STAU2: variants seen among roughly 807,000 people sequenced by gnomAD.
STAU2 encodes the protein double-stranded RNA-binding protein Staufen homolog 2.
STAU2 carries 20 observed loss-of-function variants against 65.9 expected under a neutral mutation model. The observed-to-expected ratio is 0.30, with a 90% CI of 0.21 to 0.44. The LOEUF (loss-of-function observed/expected upper bound fraction) is 0.44, where lower values mean the gene tolerates loss of function less well. STAU2 is among the 20% of genes least tolerant of loss of function. STAU2 has a pLI of 1.00. For synonymous variants in STAU2, 232 were observed against 233.9 expected (o/e 0.99, Z 0.07); for missense variants, 558 against 683.9 (o/e 0.82, Z 2.05).
intron 3 of STAU2, among the ~76,000 whole-genome samples, chr8:73,724,693 T>TATA (rs1563531177): frequency 8.9e-6 from 1 of 112,084 alleles, no homozygotes; most frequent in Admixed American, 9.0e-5. Flanking sequence ...ATATATATAT[T>TATA]TTTTTTTTTT....
At chr8:73,673,975 G>A (rs1157783789) in intron 5 of STAU2, among the ~76,000 whole-genome samples, 1 of 151,748 alleles carries the variant, frequency 6.6e-6, no homozygotes, top group Non-Finnish European at 1.5e-5. Context: ...TACCTCGGAG[G>A]TTATACCTTA....
chr8:73,496,563 TG>T (rs756092079), intron 13 of STAU2, among the ~76,000 whole-genome samples: 17 of 151,746 alleles, frequency 1.1e-4, no homozygotes, highest in Non-Finnish European at 2.4e-4. Flanking sequence ...GACATAAAAG[TG>T]TTGATCTAGA....
rs935603716 is a variant in STAU2 at position 73,743,925 on chromosome 8, C to G, written c.-197+2858G>C. Among the ~76,000 whole-genome samples, 10 of 151,274 alleles carry G rather than the reference C, an allele frequency of 6.6e-5. No individual in the cohort carries two copies. In the East Asian group the frequency reaches 2.0e-3, roughly 30 times the overall value. The stretch of plus-strand genomic sequence containing the variant: ...TAGCTGGGATTACAGGCGCGCACCA[C>G]CACACCCAGCTAATTTTTGTATTTT... On this transcript the variant is annotated intron_variant, in intron 1 of 14. Coordinates refer to ENST00000524300, the MANE Select transcript of STAU2 (RefSeq NM_001164380.2).
Position 73,608,621 on chromosome 8 carries a change from AAAAAG to A in STAU2, c.892-4763_892-4759del, listed in dbSNP as rs1401046577. Among the ~76,000 whole-genome samples the A allele has an allele frequency of 5.3e-5, 8 of 150,386 alleles. 1 individual carries two copies. The East Asian group carries it at 1.6e-3, about 29-fold the overall frequency. On this transcript the variant is annotated intron_variant, in intron 9 of 14. Coordinates refer to ENST00000524300, the MANE Select transcript of STAU2 (RefSeq NM_001164380.2). ...GCAAGACTCCGTCCCATAAAAAAAA[AAAAAG>A]AAAAAGAAAAAAAAGAAATATTAGC...
intron 6 of STAU2, among the ~76,000 whole-genome samples, chr8:73,639,536 C>T (rs1450061620): frequency 6.6e-6 from 1 of 152,064 alleles, no homozygotes; most frequent in Non-Finnish European, 1.5e-5. Flanking sequence ...GCTAATGAGC[C>T]GTACTTGGTA....
intron 13 of STAU2, among the ~76,000 whole-genome samples, chr8:73,537,763 AAG>A (rs1259594564): frequency 1.3e-5 from 2 of 152,234 alleles, no homozygotes; most frequent in African/African-American, 2.4e-5. Context: ...AAACATGAAA[AAG>A]AGTATGAATA....
chr8:73,587,281 C>CA lies in STAU2; in HGVS notation c.1162-4452dup, dbSNP rs1489824762. The stretch of plus-strand genomic sequence containing the variant: ...AAAAAAATTTCAGACCACAAGATCT[C>CA]AAAAAAAAAGTTTACTTCCCATGTA... On this transcript the variant is annotated intron_variant, in intron 11 of 14. Transcript: ENST00000524300. Among the ~76,000 whole-genome samples, 9 of 151,162 alleles carry CA rather than the reference C, an allele frequency of 6.0e-5. No homozygotes were observed. In the East Asian group the frequency reaches 1.2e-3, roughly 20 times the overall value.
At chr8:73,682,734 A>G (rs559451862) in intron 5 of STAU2, among the ~76,000 whole-genome samples, 6 of 152,286 alleles carry the variant, frequency 3.9e-5, no homozygotes, top group African/African-American at 1.2e-4. Context: ...TTAACCAAAA[A>G]AAGAAGACAG....
chr8:73,706,135 G>T (rs1820484899), intron 4 of STAU2, among the ~76,000 whole-genome samples: 1 of 150,664 alleles, frequency 6.6e-6, no homozygotes, highest in East Asian at 1.9e-4. Flanking sequence ...TTTTTTTTTT[G>T]AGACCGAGTC....
At chr8:73,624,494 C>T (rs939646416) in intron 6 of STAU2, among the ~76,000 whole-genome samples, 1 of 152,210 alleles carries the variant, frequency 6.6e-6, no homozygotes, top group Non-Finnish European at 1.5e-5. Flanking sequence ...AAAGCACTTA[C>T]TATGTGCCAG....
chr8:73,627,231 GCAGGAGGGC>G (rs1563467192), intron 6 of STAU2, among the ~76,000 whole-genome samples: 1 of 27,234 alleles, frequency 3.7e-5, no homozygotes, highest in Non-Finnish European at 9.2e-5. Flanking sequence ...GGAGGGGGGG[GCAGGAGGGC>G]GGGTTCCCTG....
chr8:73,626,368 G>A (rs945352219), intron 6 of STAU2, among the ~76,000 whole-genome samples: 13 of 152,200 alleles, frequency 8.5e-5, no homozygotes, highest in Non-Finnish European at 1.9e-4. Context: ...CCTGAGTCAA[G>A]GAATGATTAG....
chr8:73,531,118 A>G (rs148013516), intron 13 of STAU2, among the ~76,000 whole-genome samples: 470 of 152,168 alleles, frequency 3.1e-3, no homozygotes, highest in Non-Finnish European at 5.1e-3. Context: ...TTAAGCTCTG[A>G]CCCCACCAAT....
intron 6 of STAU2, among the ~76,000 whole-genome samples, chr8:73,649,869 T>TTATTTATATATATATATATATATA (rs71269927): frequency 1.4e-5 from 1 of 71,654 alleles, no homozygotes; most frequent in Non-Finnish European, 2.6e-5. Context: ...CTATATAATT[T>TTATTTATATATATATATATATATA]TATATATATA....
chr8:73,476,802 C>T (rs937217205), intron 13 of STAU2, among the ~76,000 whole-genome samples: 17 of 152,190 alleles, frequency 1.1e-4, no homozygotes, highest in African/African-American at 3.4e-4. Context: ...TTTATACCCA[C>T]AGATGACTTG....
intron 13 of STAU2, among the ~76,000 whole-genome samples, chr8:73,515,761 G>GA (rs552059811): frequency 1.5e-5 from 2 of 136,186 alleles, no homozygotes; most frequent in African/African-American, 2.7e-5. Flanking sequence ...TCCCTGTGCT[G>GA]AAAAAATTTC....
chr8:73,555,035 A>C (rs1245551203), intron 12 of STAU2, among the ~76,000 whole-genome samples: 1 of 152,228 alleles, frequency 6.6e-6, no homozygotes, highest in Admixed American at 6.5e-5. Flanking sequence ...CGCACCAACC[A>C]ATACTGTCCT....
At chr8:73,520,192 A>G (rs1822967683) in intron 13 of STAU2, among the ~76,000 whole-genome samples, 1 of 152,212 alleles carries the variant, frequency 6.6e-6, no homozygotes, top group Non-Finnish European at 1.5e-5. Flanking sequence ...CAAAGAACCA[A>G]ATCACAGTCT....
chr8:73,488,086 G>A (rs1821004753), intron 13 of STAU2, among the ~76,000 whole-genome samples: 1 of 151,970 alleles, frequency 6.6e-6, no homozygotes, highest in Non-Finnish European at 1.5e-5. Context: ...GAATATATGT[G>A]TGAATGAATA....
Sources: gnomAD v4.1 joint callset for allele counts (sites outside exome capture counted in the v4.1 genomes callset) on GRCh38, gnomAD v4.1.1 for gene constraint, MANE v1.5 for transcripts, NCBI Gene and HGNC (gene_info 2026-07-23, HGNC 2026-07-21) for gene names.